NOL4: variants seen among roughly 807,000 people sequenced by gnomAD.
NOL4 encodes the protein cancer/testis antigen 125.
Under a neutral mutation model 75.9 loss-of-function variants are expected in NOL4, and 17 were observed. The ratio of observed to expected loss-of-function variants is 0.22; its 90% CI spans 0.15 to 0.34. The LOEUF is 0.34. Ranked by LOEUF, NOL4 falls within the 10% of genes least tolerant of loss-of-function variation. The pLI is 1.00. For missense variants in NOL4, 614 were observed against 793.5 expected (o/e 0.77, Z 2.72); for synonymous variants, 292 against 289.9 (o/e 1.01, Z -0.07).
At chr18:34,203,717 T>TCTCTCTCTCTCTCACACACA (rs1261546835) in intron 1 of NOL4, among the ~76,000 whole-genome samples, 2 of 72,264 alleles carry the variant, frequency 2.8e-5, no homozygotes, top group East Asian at 5.0e-4. Flanking sequence ...TCTCTCTCTC[T>TCTCTCTCTCTCTCACACACA]CACACACACA....
At chr18:34,022,691 A>G (rs1443191465) in intron 5 of NOL4, among the ~76,000 whole-genome samples, 1 of 152,002 alleles carries the variant, frequency 6.6e-6, no homozygotes, top group Non-Finnish European at 1.5e-5. Flanking sequence ...TAAAAAATAT[A>G]GTAACATTTA....
chr18:34,055,736 T>C (rs1210450872), intron 5 of NOL4, among the ~76,000 whole-genome samples: 1 of 152,146 alleles, frequency 6.6e-6, no homozygotes, highest in Non-Finnish European at 1.5e-5. Context: ...TGAATTTCCA[T>C]AATTTGTATA....
chr18:34,157,377 C>T (rs550778826), intron 1 of NOL4, among the ~76,000 whole-genome samples: 3 of 152,066 alleles, frequency 2.0e-5, no homozygotes, highest in South Asian at 4.2e-4. Flanking sequence ...GGGTCATTAA[C>T]TGAGATAGAA....
intron 5 of NOL4, among the ~76,000 whole-genome samples, chr18:34,056,123 G>C (rs115203535): frequency 6.6e-6 from 1 of 151,988 alleles, no homozygotes; most frequent in African/African-American, 2.4e-5. Context: ...TCAGTGATTT[G>C]CCTTTCTTTA....
intron 1 of NOL4, among the ~76,000 whole-genome samples, chr18:34,213,227 T>C (rs989992456): frequency 2.6e-5 from 4 of 152,190 alleles, no homozygotes; most frequent in Non-Finnish European, 4.4e-5. Flanking sequence ...TGCAACAGTG[T>C]TGAGAAGTGG....
chr18:34,129,534 C>T (rs546160785), intron 2 of NOL4, among the ~76,000 whole-genome samples: 1 of 151,454 alleles, frequency 6.6e-6, no homozygotes, highest in Non-Finnish European at 1.5e-5. Context: ...TCTTATGTTC[C>T]AGTCCATAAT....
chr18:34,075,089 C>T (rs1056371902), intron 5 of NOL4, among the ~76,000 whole-genome samples: 4 of 152,088 alleles, frequency 2.6e-5, no homozygotes, highest in South Asian at 4.1e-4. Flanking sequence ...AAAAATTCTT[C>T]GTACATTATA....
chr18:33,939,180 C>A (rs564258766), intron 9 of NOL4, among the ~76,000 whole-genome samples: 2 of 152,006 alleles, frequency 1.3e-5, no homozygotes, highest in African/African-American at 4.8e-5. Context: ...GTTACTGTAG[C>A]CTTGTAGTAT....
chr18:34,015,628 C>G (rs2074643017), intron 6 of NOL4, among the ~76,000 whole-genome samples: 1 of 151,960 alleles, frequency 6.6e-6, no homozygotes, highest in Admixed American at 6.6e-5. Context: ...CCAAGGTGAT[C>G]TTATCAACCA....
At chr18:34,122,738 A>G (rs1187057683) in intron 2 of NOL4, among the ~76,000 whole-genome samples, 1 of 152,116 alleles carries the variant, frequency 6.6e-6, no homozygotes, top group Non-Finnish European at 1.5e-5. Flanking sequence ...TCTCCTTGCT[A>G]TTATACTCAT....
chr18:34,216,937 A>G (rs2036931179), intron 1 of NOL4, among the ~76,000 whole-genome samples: 1 of 152,054 alleles, frequency 6.6e-6, no homozygotes, highest in Non-Finnish European at 1.5e-5. Context: ...TCTTATTCTT[A>G]CTTAAATTAG....
At chr18:34,058,677 G>GA (rs1373103911) in intron 5 of NOL4, among the ~76,000 whole-genome samples, 1 of 152,046 alleles carries the variant, frequency 6.6e-6, no homozygotes, top group East Asian at 1.9e-4. Flanking sequence ...TGAACTTCAT[G>GA]AATGTAAAGC....
intron 2 of NOL4, among the ~76,000 whole-genome samples, chr18:34,107,874 G>A (rs1381311225): frequency 1.3e-5 from 2 of 152,180 alleles, no homozygotes; most frequent in African/African-American, 4.8e-5. Flanking sequence ...AGGAATCCAA[G>A]TAAGTGATTA....
chr18:34,049,072 G>GCACACACA (rs1555704725), intron 5 of NOL4, among the ~76,000 whole-genome samples: 8 of 126,350 alleles, frequency 6.3e-5, no homozygotes, highest in African/African-American at 2.5e-4. Context: ...ATACAGGCGC[G>GCACACACA]CGCACACACA....
At chr18:33,879,381 G>T (rs557755976) in intron 10 of NOL4, among the ~76,000 whole-genome samples, 3 of 151,976 alleles carry the variant, frequency 2.0e-5, no homozygotes, top group Non-Finnish European at 2.9e-5. Flanking sequence ...TTATATAAAG[G>T]TATTTCCTGG....
intron 1 of NOL4, among the ~76,000 whole-genome samples, chr18:34,210,633 A>G (rs1375287603): frequency 6.6e-6 from 1 of 152,226 alleles, no homozygotes; most frequent in Non-Finnish European, 1.5e-5. Context: ...GTGTTAGTTC[A>G]CTAGTGAAGC....
chr18:34,100,878 A>G (rs1268135099), intron 4 of NOL4, among the ~76,000 whole-genome samples: 1 of 152,094 alleles, frequency 6.6e-6, no homozygotes, highest in East Asian at 1.9e-4. Flanking sequence ...TCTTAAATAT[A>G]CTTGAATTTC....
intron 6 of NOL4, among the ~76,000 whole-genome samples, chr18:34,015,273 T>C (rs1249551443): frequency 6.6e-6 from 1 of 152,026 alleles, no homozygotes; most frequent in Non-Finnish European, 1.5e-5. Flanking sequence ...TGATTCTGCT[T>C]TCCTATCTCA....
rs537625863 is a variant in NOL4 at position 34,182,698 on chromosome 18, A to G, written c.264+40292T>C. On this transcript the variant is annotated intron_variant, in intron 1 of 10. Transcript: ENST00000261592. Reference sequence around the variant, plus strand: ...ATGTTTATAGTGAATATCTTTGGGTAGTGAGAATAAGGATTTTTTTTAAAA... The same window carrying G: ...ATGTTTATAGTGAATATCTTTGGGTGGTGAGAATAAGGATTTTTTTTAAAA... 5.3e-5 allele frequency among the ~76,000 whole-genome samples: 8 copies of G among 151,806 alleles called. No individual in the cohort carries two copies. In the South Asian group the frequency reaches 1.7e-3, roughly 31 times the overall value.
Sources: gnomAD v4.1 joint callset for allele counts (sites outside exome capture counted in the v4.1 genomes callset) on GRCh38, gnomAD v4.1.1 for gene constraint, MANE v1.5 for transcripts, NCBI Gene and HGNC (gene_info 2026-07-23, HGNC 2026-07-21) for gene names.